GSG1L: variants seen among roughly 807,000 people sequenced by gnomAD.
GSG1L encodes the protein germ cell-specific gene 1-like protein.
A neutral mutation model predicts 42.1 loss-of-function variants in GSG1L; 24 were observed. The ratio of observed to expected loss-of-function variants is 0.57; its 90% confidence interval spans 0.41 to 0.80. GSG1L has a LOEUF of 0.80. GSG1L is among the 30% of genes least tolerant of loss of function. GSG1L has a pLI of 0.00. For synonymous variants in GSG1L, 215 were observed against 203.5 expected, an observed-to-expected ratio of 1.06 and a Z score of -0.48; for missense variants, 445 against 472.2, an observed-to-expected ratio of 0.94 and a Z score of 0.53.
intron 1 of GSG1L, among the ~76,000 whole-genome samples, chr16:27,985,877 C>T (rs1011035338): frequency 6.6e-6 from 1 of 152,104 alleles, no homozygotes; most frequent in Non-Finnish European, 1.5e-5. Context: ...TATAACAACA[C>T]AGACTAACAC....
intron 2 of GSG1L, among the ~76,000 whole-genome samples, chr16:27,910,282 C>T (rs1272189398): frequency 2.0e-5 from 3 of 152,024 alleles, no homozygotes; most frequent in Non-Finnish European, 4.4e-5. Context: ...TTTTCATGCC[C>T]CTCCTGGTCT....
At chr16:27,970,401 A>T (rs551638169) in intron 1 of GSG1L, among the ~76,000 whole-genome samples, 1 of 151,858 alleles carries the variant, frequency 6.6e-6, no homozygotes, top group East Asian at 2.0e-4. Context: ...GTGAAATCCC[A>T]TCTCTACTAA....
chr16:28,002,920 A>T (rs2085595086), intron 1 of GSG1L, among the ~76,000 whole-genome samples: 2 of 152,116 alleles, frequency 1.3e-5, no homozygotes, highest in South Asian at 4.1e-4. Context: ...TGGGTGACAG[A>T]GCGAGACTCC....
intron 2 of GSG1L, among the ~76,000 whole-genome samples, chr16:27,928,692 G>A (rs2084624220): frequency 6.6e-6 from 1 of 152,190 alleles, no homozygotes; most frequent in African/African-American, 2.4e-5. Context: ...AAGTCGCCAA[G>A]CAGGCCCAGG....
At chr16:27,988,709 G>A (rs1458392246) in intron 1 of GSG1L, among the ~76,000 whole-genome samples, 1 of 149,062 alleles carries the variant, frequency 6.7e-6, no homozygotes, top group African/African-American at 2.5e-5. Flanking sequence ...ATATTAATAA[G>A]AGAGAAAATT....
intron 3 of GSG1L, chr16:27,850,725 G>C: frequency 2.8e-6 from 1 of 355,844 alleles, no homozygotes; most frequent in Non-Finnish European, 5.5e-6. Context: ...AGCTGGAGAG[G>C]GCCTGGGGCT....
At chr16:27,837,573 T>C (rs1240677398) in intron 4 of GSG1L, among the ~76,000 whole-genome samples, 1 of 152,202 alleles carries the variant, frequency 6.6e-6, no homozygotes, top group Non-Finnish European at 1.5e-5. Context: ...TACAAGGCAG[T>C]GGCAAAAATC....
intron 3 of GSG1L, among the ~76,000 whole-genome samples, chr16:27,878,097 T>G (rs996559081): frequency 3.3e-5 from 5 of 152,144 alleles, no homozygotes; most frequent in African/African-American, 1.2e-4. Context: ...TCATGTTCTG[T>G]TGTCCAGGCT....
At position 28,033,069 on chromosome 16, in the gene GSG1L, G is replaced by A. The variant is rs565855331; in HGVS notation, c.349+30007C>T. 2.6e-5 allele frequency among the ~76,000 whole-genome samples: 4 copies of A among 152,298 alleles called. No individual in the cohort carries two copies. The South Asian group carries it at 8.3e-4, about 32-fold the overall frequency. On this transcript the variant is annotated intron_variant, in intron 1 of 6. Transcript: ENST00000447459. Reference sequence around the variant, plus strand: ...AGCCAATGAGGTTCTGCACACCAGGGTCCCTCTCTAGCAATCTGACCTCTC... The same window carrying A: ...AGCCAATGAGGTTCTGCACACCAGGATCCCTCTCTAGCAATCTGACCTCTC...
intron 2 of GSG1L, among the ~76,000 whole-genome samples, chr16:27,931,672 A>G (rs1346849563): frequency 6.6e-6 from 1 of 152,220 alleles, no homozygotes. Context: ...GCACACTCCA[A>G]GTGGATCCTT....
chr16:27,809,260 C>T (rs926134656), intron 5 of GSG1L, among the ~76,000 whole-genome samples: 10 of 151,940 alleles, frequency 6.6e-5, no homozygotes, highest in East Asian at 1.9e-4. Context: ...CAGTGCATGC[C>T]GGAGTGGTGG....
At chr16:27,866,201 A>G (rs1315488768) in intron 3 of GSG1L, among the ~76,000 whole-genome samples, 1 of 151,888 alleles carries the variant, frequency 6.6e-6, no homozygotes, top group Non-Finnish European at 1.5e-5. Flanking sequence ...TCTGTAATTA[A>G]TCTTGTCCAC....
intron 2 of GSG1L, among the ~76,000 whole-genome samples, chr16:27,900,814 C>G (rs1267853451): frequency 1.2e-5 from 1 of 83,486 alleles, no homozygotes; most frequent in Non-Finnish European, 3.1e-5. Context: ...ATGGAATTAT[C>G]AAAACATTAA....
chr16:27,862,311 C>A (rs1202358027), intron 3 of GSG1L, among the ~76,000 whole-genome samples: 1 of 152,134 alleles, frequency 6.6e-6, no homozygotes, highest in Non-Finnish European at 1.5e-5. Context: ...TGGTCTCCAG[C>A]CAACAGCCAG....
intron 5 of GSG1L, 33 bp downstream of exon 5, chr16:27,828,756 G>C (rs113203075): frequency 6.3e-7 from 1 of 1,595,866 alleles, no homozygotes; most frequent in Non-Finnish European, 8.6e-7. Flanking sequence ...TAGAGTCCCC[G>C]TGGTGGCCAG....
intron 1 of GSG1L, among the ~76,000 whole-genome samples, chr16:27,970,347 G>A (rs151204681): frequency 0.011 from 1,681 of 152,048 alleles, 25 homozygotes; most frequent in African/African-American, 0.039. Flanking sequence ...CGAGGCAGGT[G>A]GATCACTTAA....
chr16:27,931,333 C>T (rs753446900), intron 2 of GSG1L, among the ~76,000 whole-genome samples: 3 of 152,274 alleles, frequency 2.0e-5, no homozygotes, highest in South Asian at 4.1e-4. Flanking sequence ...TCAAGCCCAC[C>T]GTGCTCAAAC....
chr16:27,942,779 G>A (rs1013131506), intron 2 of GSG1L, among the ~76,000 whole-genome samples: 2 of 152,206 alleles, frequency 1.3e-5, no homozygotes, highest in African/African-American at 4.8e-5. Flanking sequence ...TATTGTCAAG[G>A]ATAGAGAGAT....
chr16:28,031,275 TGGGGTGG>T (rs2085960036), intron 1 of GSG1L, among the ~76,000 whole-genome samples: 1 of 72,808 alleles, frequency 1.4e-5, no homozygotes, highest in African/African-American at 5.4e-5. Context: ...TGGGATGGGA[TGGGGTGG>T]GATAAGATGG....
Sources: gnomAD v4.1 joint callset for allele counts (sites outside exome capture counted in the v4.1 genomes callset) on GRCh38, gnomAD v4.1.1 for gene constraint, MANE v1.5 for transcripts, NCBI Gene and HGNC (gene_info 2026-07-23, HGNC 2026-07-21) for gene names.